Variants in AGK observed in about 807,000 individuals in gnomAD.
AGK encodes acylglycerol kinase, mitochondrial.
In AGK, 52 loss-of-function variants were observed where a neutral mutation model predicts 66.4. The ratio of observed to expected loss-of-function variants is 0.78; its 90% CI spans 0.63 to 0.99. AGK has a LOEUF of 0.99. AGK is among the 50% of genes least tolerant of loss of function. The pLI, the probability that AGK is intolerant of heterozygous loss-of-function variation, is 0.00. For synonymous variants in AGK, 182 were observed against 181.1 expected, an observed-to-expected ratio of 1.00 and a Z score of -0.04; for missense variants, 451 against 506.6, an observed-to-expected ratio of 0.89 and a Z score of 1.05.
chr7:141,631,417 G>A (rs1405270654), intron 9 of AGK, among the ~76,000 whole-genome samples: 1 of 152,180 alleles, frequency 6.6e-6, no homozygotes, highest in Non-Finnish European at 1.5e-5. Context: ...TAGATCTGTA[G>A]TGGTCAGCAT....
Position 141,609,992 on chromosome 7 carries a change from A to G in AGK, c.298-1203A>G, listed in dbSNP as rs1288534514. On this transcript the variant is annotated intron_variant, in intron 5 of 15. Coordinates refer to ENST00000649286, the MANE Select transcript of AGK (RefSeq NM_018238.4). ...TTTTGTTTTTTTTTTTTCCTGAGAC[A>G]GAGTCTTGCTCTGTCGCCCAGGCTG... 2.0e-5 allele frequency among the ~76,000 whole-genome samples: 3 copies of G among 150,570 alleles called. No homozygotes were observed. The East Asian group carries it at 5.9e-4, about 29-fold the overall frequency.
intron 2 of AGK, among the ~76,000 whole-genome samples, chr7:141,588,812 A>G (rs902279587): frequency 6.6e-6 from 1 of 152,148 alleles, no homozygotes; most frequent in Non-Finnish European, 1.5e-5. Context: ...TAGACCATAC[A>G]GTGTAACTTC....
chr7:141,647,977 T>C (rs1245146138), intron 13 of AGK, among the ~76,000 whole-genome samples: 5 of 151,986 alleles, frequency 3.3e-5, no homozygotes, highest in Non-Finnish European at 7.4e-5. Flanking sequence ...GGCCAAAAAT[T>C]ATTTATTTTT....
intron 5 of AGK, among the ~76,000 whole-genome samples, chr7:141,602,173 T>TTTTGTGTGTGTGTGTGTGTGTG (rs1554400561): frequency 2.4e-5 from 3 of 125,314 alleles, no homozygotes; most frequent in Non-Finnish European, 5.1e-5. Context: ...GGAGATTTTC[T>TTTTGTGTGTGTGTGTGTGTGTG]TGTGTGTGTG....
In AGK at chr7:141,639,521, G is replaced by A. The variant is rs891327810; in HGVS notation, c.727-1727G>A. ...CTGGATTGTCCCTGGACAGGACAAG[G>A]GGCACCTTTTTTCATTGATACAGAA... On this transcript the variant is annotated intron_variant, in intron 11 of 15. Coordinates refer to ENST00000649286, the MANE Select transcript of AGK (RefSeq NM_018238.4). 2.0e-5 allele frequency among the ~76,000 whole-genome samples: 3 copies of A among 152,152 alleles called. No homozygotes were observed. The East Asian group carries it at 5.8e-4, about 29-fold the overall frequency.
chr7:141,584,236 G>C (rs964779328), intron 2 of AGK, among the ~76,000 whole-genome samples: 5 of 152,154 alleles, frequency 3.3e-5, no homozygotes, highest in African/African-American at 1.2e-4. Context: ...GCTGGCAGGG[G>C]TGAGGGTCAC....
chr7:141,552,900 T>G (rs963942494), intron 1 of AGK, among the ~76,000 whole-genome samples: 9 of 152,240 alleles, frequency 5.9e-5, no homozygotes, highest in Non-Finnish European at 1.2e-4. Flanking sequence ...ACCCCCTTTT[T>G]CCAGTCTCAG....
At chr7:141,610,645 T>G (rs1025353460) in intron 5 of AGK, among the ~76,000 whole-genome samples, 21 of 152,358 alleles carry the variant, frequency 1.4e-4, no homozygotes, top group African/African-American at 5.0e-4. Flanking sequence ...CCTTACCAGT[T>G]GCTTTACATA....
intron 2 of AGK, among the ~76,000 whole-genome samples, chr7:141,570,053 A>T (rs1193876696): frequency 6.6e-6 from 1 of 152,184 alleles, no homozygotes; most frequent in Non-Finnish European, 1.5e-5. Context: ...TCACAATATT[A>T]TCGTGATGCT....
At chr7:141,624,386 A>C (rs1269961148) in intron 9 of AGK, among the ~76,000 whole-genome samples, 1 of 152,326 alleles carries the variant, frequency 6.6e-6, no homozygotes, top group East Asian at 1.9e-4. Flanking sequence ...ATAGATAGTG[A>C]TTCCTCTGAA....
intron 2 of AGK, among the ~76,000 whole-genome samples, chr7:141,591,345 G>A (rs1796113252): frequency 6.6e-6 from 1 of 151,992 alleles, no homozygotes; most frequent in Non-Finnish European, 1.5e-5. Context: ...TGCCCACCTT[G>A]TCCTCCCAAA....
intron 5 of AGK, among the ~76,000 whole-genome samples, chr7:141,609,693 T>G (rs1415914297): frequency 6.6e-6 from 1 of 152,202 alleles, no homozygotes; most frequent in African/African-American, 2.4e-5. Context: ...GGCCCCTCGC[T>G]CCTCCCTGGA....
intron 2 of AGK, among the ~76,000 whole-genome samples, chr7:141,592,735 G>A (rs1220755300): frequency 6.6e-6 from 1 of 151,790 alleles, no homozygotes; most frequent in African/African-American, 2.4e-5. Flanking sequence ...GCAGAGTCTC[G>A]CTCTGTCGCC....
chr7:141,650,653 G>A, intron 14 of AGK: 3 of 985,420 alleles, frequency 3.0e-6, no homozygotes, highest in Non-Finnish European at 3.6e-6. Context: ...TCTGCATGAG[G>A]TGGAGTGTGT....
chr7:141,604,758 A>G (rs1796421634), intron 5 of AGK, among the ~76,000 whole-genome samples: 1 of 151,518 alleles, frequency 6.6e-6, no homozygotes, highest in South Asian at 2.1e-4. Context: ...TAATTTTTGT[A>G]TTTTTAATAG....
At chr7:141,615,953 A>G (rs989278694) in intron 8 of AGK, 1 of 164,978 alleles carries the variant, frequency 6.1e-6, no homozygotes, top group African/African-American at 2.4e-5. Flanking sequence ...CTGAACTAGT[A>G]GCCTGGCTTC....
intron 9 of AGK, among the ~76,000 whole-genome samples, chr7:141,625,222 C>G (rs1796911012): frequency 6.6e-6 from 1 of 152,122 alleles, no homozygotes; most frequent in South Asian, 2.1e-4. Context: ...TTTTTTGACT[C>G]ATTTTATTGT....
intron 13 of AGK, among the ~76,000 whole-genome samples, chr7:141,647,774 G>C (rs139436925): frequency 6.6e-6 from 1 of 152,112 alleles, no homozygotes; most frequent in East Asian, 1.9e-4. Context: ...GGGTTCTAGC[G>C]ATTCTCCCGC....
At chr7:141,615,637 T>C in intron 8 of AGK, 72 bp downstream of exon 8, 1 of 1,197,966 alleles carries the variant, frequency 8.3e-7, no homozygotes, top group East Asian at 2.3e-5. Context: ...ATGTGTATGC[T>C]ATAACTTTCT....
Sources: allele counts gnomAD v4.1 joint callset (sites outside exome capture counted in the v4.1 genomes callset), GRCh38; gene constraint gnomAD v4.1.1; transcripts MANE v1.5; gene names NCBI Gene and HGNC (gene_info 2026-07-23, HGNC 2026-07-21).